The following WDR7 variants were observed in gnomAD, a reference collection of about 807,000 sequenced individuals.
The protein encoded by WDR7 is WD repeat-containing protein 7.
In WDR7, 46 loss-of-function variants were observed where a neutral mutation model predicts 169.4. The observed-to-expected ratio is 0.27, with a 90% CI of 0.21 to 0.35. The LOEUF (loss-of-function observed/expected upper bound fraction) is 0.35. Ranked by LOEUF, WDR7 falls within the 10% of genes least tolerant of loss-of-function variation. The pLI is 1.00. For missense variants in WDR7, 1,534 were observed against 1,859.3 expected (o/e 0.83, Z 3.22); for synonymous variants, 612 against 666.8 (o/e 0.92, Z 1.27).
At chr18:56,744,254 A>G (rs1398667748) in intron 14 of WDR7, among the ~76,000 whole-genome samples, 1 of 140,404 alleles carries the variant, frequency 7.1e-6, no homozygotes, top group East Asian at 2.0e-4. Flanking sequence ...AGAAAAAAAA[A>G]AAAAAAAAAA....
chr18:57,001,227 C>G (rs1267550528), intron 26 of WDR7, among the ~76,000 whole-genome samples: 1 of 152,002 alleles, frequency 6.6e-6, no homozygotes, highest in African/African-American at 2.4e-5. Flanking sequence ...TCACTTGTGG[C>G]ATACACAAAT....
chr18:56,801,525 T>C (rs1374225091), intron 19 of WDR7, among the ~76,000 whole-genome samples: 1 of 152,210 alleles, frequency 6.6e-6, no homozygotes, highest in Admixed American at 6.5e-5. Context: ...TAGGTTTTGA[T>C]AAATGGTCAA....
chr18:56,827,346 G>T (rs1050066921), intron 20 of WDR7, among the ~76,000 whole-genome samples: 2 of 152,134 alleles, frequency 1.3e-5, no homozygotes, highest in South Asian at 4.1e-4. Context: ...TCACAATGGA[G>T]CAATGGAGTA....
At chr18:56,811,267 T>C (rs533542820) in intron 19 of WDR7, among the ~76,000 whole-genome samples, 2 of 151,970 alleles carry the variant, frequency 1.3e-5, no homozygotes, top group East Asian at 1.9e-4. Context: ...TGTGGACATA[T>C]GTTTTCATTC....
chr18:56,695,559 AAAG>A (rs1253899909), intron 11 of WDR7, among the ~76,000 whole-genome samples: 1 of 149,696 alleles, frequency 6.7e-6, no homozygotes, highest in Non-Finnish European at 1.5e-5. Context: ...TTTTTCCGAG[AAAG>A]AGTCTCACTG....
At chr18:56,962,166 T>C (rs1200043174) in intron 25 of WDR7, among the ~76,000 whole-genome samples, 1 of 151,690 alleles carries the variant, frequency 6.6e-6, no homozygotes, top group African/African-American at 2.4e-5. Context: ...TCAAGGGTGC[T>C]TGTGATTGTA....
intron 25 of WDR7, among the ~76,000 whole-genome samples, chr18:56,944,433 G>A (rs1207996924): frequency 6.6e-6 from 1 of 152,042 alleles, no homozygotes; most frequent in Admixed American, 6.6e-5. Context: ...TTTTATTAAA[G>A]TCCCGTTTAT....
chr18:56,792,096 C>A (rs903309106), intron 19 of WDR7, among the ~76,000 whole-genome samples: 1 of 152,122 alleles, frequency 6.6e-6, no homozygotes, highest in Non-Finnish European at 1.5e-5. Context: ...CGGCTGACTG[C>A]AACCTCAACC....
intron 17 of WDR7, 113 bp from the exon 18 acceptor site, chr18:56,779,318 T>C: frequency 1.5e-6 from 1 of 669,994 alleles, no homozygotes; most frequent in East Asian, 2.7e-5. Context: ...TCATTTGTAA[T>C]ATAACTTAGC....
At chr18:56,961,427 A>G (rs968986480) in intron 25 of WDR7, among the ~76,000 whole-genome samples, 3 of 150,516 alleles carry the variant, frequency 2.0e-5, no homozygotes, top group East Asian at 3.9e-4. Flanking sequence ...AGAACGTGTA[A>G]TAGAATTGGT....
At chr18:56,883,135 G>A (rs1471408677) in intron 21 of WDR7, among the ~76,000 whole-genome samples, 1 of 151,676 alleles carries the variant, frequency 6.6e-6, no homozygotes, top group Non-Finnish European at 1.5e-5. Context: ...GCGTGAACCT[G>A]GGAGGTGGAG....
chr18:56,659,022 A>G (rs2024843451), intron 1 of WDR7, among the ~76,000 whole-genome samples: 1 of 152,142 alleles, frequency 6.6e-6, no homozygotes, highest in Admixed American at 6.5e-5. Flanking sequence ...GGCCCCCTGT[A>G]CTTACTTTTA....
At chr18:56,728,529 C>G (rs1199996551) in intron 13 of WDR7, among the ~76,000 whole-genome samples, 2 of 152,122 alleles carry the variant, frequency 1.3e-5, no homozygotes, top group Non-Finnish European at 2.9e-5. Context: ...TGACTGATGT[C>G]CTCTCTTCCC....
chr18:56,923,800 G>T (rs941074393), intron 21 of WDR7, 122 bp from the exon 22 acceptor site: 5 of 929,994 alleles, frequency 5.4e-6, no homozygotes, highest in Non-Finnish European at 7.7e-6. Flanking sequence ...GTAGTCTTGA[G>T]GTTCAATACC....
chr18:56,688,464 T>A (rs938303895), intron 7 of WDR7, among the ~76,000 whole-genome samples: 1 of 151,026 alleles, frequency 6.6e-6, no homozygotes, highest in African/African-American at 2.4e-5. Context: ...ATGCCTGTAA[T>A]CCCAGCACTT....
intron 20 of WDR7, among the ~76,000 whole-genome samples, chr18:56,848,977 T>G (rs2045604298): frequency 6.6e-6 from 1 of 152,206 alleles, no homozygotes. Context: ...CTTTTCCCAC[T>G]TACTAAATAA....
At chr18:56,770,258 G>A (rs755448144) in intron 16 of WDR7, among the ~76,000 whole-genome samples, 3 of 152,190 alleles carry the variant, frequency 2.0e-5, no homozygotes, top group African/African-American at 4.8e-5. Context: ...TAGACAATGA[G>A]TGCCTTGAGG....
intron 19 of WDR7, among the ~76,000 whole-genome samples, chr18:56,803,884 C>G (rs57425270): frequency 6.6e-6 from 1 of 152,114 alleles, no homozygotes; most frequent in Admixed American, 6.5e-5. Context: ...TCACTGCAGC[C>G]TTTACCGCCC....
intron 16 of WDR7, among the ~76,000 whole-genome samples, chr18:56,769,485 C>T (rs2044119838): frequency 6.6e-6 from 1 of 152,150 alleles, no homozygotes; most frequent in African/African-American, 2.4e-5. Flanking sequence ...AGGAGTAAGC[C>T]TCTGTGCCTG....
Sources: gnomAD v4.1 joint callset for allele counts (sites outside exome capture counted in the v4.1 genomes callset) on GRCh38, gnomAD v4.1.1 for gene constraint, MANE v1.5 for transcripts, NCBI Gene and HGNC (gene_info 2026-07-23, HGNC 2026-07-21) for gene names.